Variants in UBN2 observed in about 807,000 individuals in gnomAD.
The protein encoded by UBN2 is ubinuclein-2.
A neutral mutation model predicts 120.2 loss-of-function variants in UBN2; 35 were observed. The ratio of observed to expected loss-of-function variants is 0.29; its 90% CI spans 0.22 to 0.39. UBN2 has a LOEUF of 0.39. Among genes scored for constraint, UBN2 ranks in the 10% least tolerant of loss-of-function variants. UBN2 has a pLI of 1.00. For missense variants in UBN2, 1,693 were observed against 1,663.2 expected, an observed-to-expected ratio of 1.02 and a Z score of -0.31; for synonymous variants, 661 against 648.7, an observed-to-expected ratio of 1.02 and a Z score of -0.29.
chr7:139,319,742 AG>A, the UBN2 span, among the ~76,000 whole-genome samples: 1 of 152,066 alleles, frequency 6.6e-6, no homozygotes, highest in Non-Finnish European at 1.5e-5. Context: ...CTGTTAGCTC[AG>A]TCATGCTTTA....
At chr7:139,264,294 A>G (rs1304393722) in intron 6 of UBN2, among the ~76,000 whole-genome samples, 2 of 152,044 alleles carry the variant, frequency 1.3e-5, no homozygotes, top group Admixed American at 6.6e-5. Context: ...GTTGTTGACT[A>G]TATCTATGGT....
chr7:139,312,245 GAAGT>G (rs1172621653), downstream of UBN2, among the ~76,000 whole-genome samples: 1 of 152,058 alleles, frequency 6.6e-6, no homozygotes, highest in Non-Finnish European at 1.5e-5. Flanking sequence ...GGCATTCTTC[GAAGT>G]AAGTAGTGTT....
chr7:139,232,095 G>A, intron 1 of UBN2, 143 bp downstream of exon 1: 1 of 728,592 alleles, frequency 1.4e-6, no homozygotes, highest in Non-Finnish European at 2.1e-6. Flanking sequence ...GGGCCGAGCG[G>A]GTGGACGGGG....
At chr7:139,241,139 C>T (rs1208887226) in intron 2 of UBN2, among the ~76,000 whole-genome samples, 2 of 152,136 alleles carry the variant, frequency 1.3e-5, no homozygotes, top group Non-Finnish European at 2.9e-5. Flanking sequence ...GAGTAGGATG[C>T]TTCAATTTGA....
At chr7:139,292,781 A>G (rs1160685197) in intron 15 of UBN2, among the ~76,000 whole-genome samples, 1 of 152,216 alleles carries the variant, frequency 6.6e-6, no homozygotes, top group Non-Finnish European at 1.5e-5. Flanking sequence ...GGTGAGGCTC[A>G]TGGCGAGGAA....
intron 5 of UBN2, 87 bp from the exon 6 acceptor site, chr7:139,261,165 T>C (rs1796919157): frequency 6.9e-7 from 1 of 1,442,256 alleles, no homozygotes; most frequent in Non-Finnish European, 9.3e-7. Flanking sequence ...TGTCAAATTA[T>C]TATTTTAATT....
the UBN2 span, chr7:139,315,165 CG>C: frequency 6.6e-6 from 1 of 151,352 alleles, no homozygotes; most frequent in Non-Finnish European, 1.5e-5. Context: ...TTAGTAGAGA[CG>C]GGGTTTCACT....
the UBN2 span, among the ~76,000 whole-genome samples, chr7:139,315,110 G>C: frequency 1.3e-5 from 2 of 151,808 alleles, no homozygotes; most frequent in African/African-American, 2.4e-5. Context: ...TGAGTACCTG[G>C]GAGTACAGTT....
intron 8 of UBN2, among the ~76,000 whole-genome samples, chr7:139,269,843 G>C (rs897043033): frequency 6.6e-6 from 1 of 150,962 alleles, no homozygotes; most frequent in African/African-American, 2.4e-5. Context: ...GTCTTGCCCC[G>C]TTGCCCAGGC....
At chr7:139,292,711 A>G (rs984056236) in intron 15 of UBN2, among the ~76,000 whole-genome samples, 21 of 152,156 alleles carry the variant, frequency 1.4e-4, no homozygotes, top group Non-Finnish European at 1.8e-4. Context: ...TTTATACAGG[A>G]AAGTTCTACA....
Position 139,261,679 on chromosome 7 carries a change from G to T in UBN2, c.1333G>T (p.Val445Leu). 1.2e-6 allele frequency: 2 copies of T among 1,614,132 alleles called. No individual in the cohort carries two copies. The highest frequency in any genetic ancestry group is 1.6e-4 in the Middle Eastern group (1 of 6,062). Residue 445 changes from valine to leucine, a missense_variant, in exon 6 of 18, where the codon GTA (valine) becomes TTA (leucine). By Grantham distance (32) the Val-to-Leu change is conservative. Around this residue, in one of 5 missense-constraint regions of UBN2, gnomAD observed 663 missense variants for 591.2 expected, o/e 1.12. Transcript: ENST00000473989. Reference protein sequence around the residue: ...TYTSQVMPKVVPTLPEGLPVL... With the variant: ...TYTSQVMPKVLPTLPEGLPVL... ...CACTTCTCAGGTTATGCCCAAAGTG[G>T]TACCTACACTCCCAGAGGGTCTACC...
chr7:139,255,978 C>A (rs1796753608), intron 3 of UBN2, among the ~76,000 whole-genome samples: 1 of 152,136 alleles, frequency 6.6e-6, no homozygotes, highest in South Asian at 2.1e-4. Context: ...TGTTTTATAA[C>A]CCTCCAAATT....
At chr7:139,261,892 A>G (rs1450911223) in intron 6 of UBN2, 151 bp downstream of exon 6, 4 of 789,128 alleles carry the variant, frequency 5.1e-6, no homozygotes, top group Non-Finnish European at 7.5e-6. Flanking sequence ...GAACATTTTT[A>G]TAACTTTTTA....
chr7:139,284,531 C>T lies in UBN2; in HGVS notation c.3626C>T (p.Pro1209Leu). ...AAACCATTGTCTACTCCACATAGACCATCCACTGCCTCAGGGTCTTCAGTG... is the reference window on the plus strand; with the variant it reads ...AAACCATTGTCTACTCCACATAGACTATCCACTGCCTCAGGGTCTTCAGTG... ...ATKPLSTPHR[P>L]STASGSSVVT... Residue 1209 changes from proline to leucine, a missense_variant, in exon 15 of 18, where the codon CCA (proline) becomes CTA (leucine). Physicochemically the swap from Pro to Leu is moderately conservative, Grantham distance 98 (BLOSUM62 -3). Around this residue, in one of 5 missense-constraint regions of UBN2, gnomAD observed 837 missense variants for 817.6 expected, o/e 1.02. Coordinates refer to ENST00000473989, the MANE Select transcript of UBN2 (RefSeq NM_173569.4). 6.2e-7 allele frequency: 1 copy of T among 1,613,690 alleles called. No homozygotes were observed. Among genetic ancestry groups the T allele is most frequent in the South Asian group, 1.1e-5 (1 of 91,062 alleles).
intron 16 of UBN2, 129 bp from the exon 17 acceptor site, chr7:139,293,760 G>A (rs545227381): frequency 1.4e-4 from 115 of 803,854 alleles, no homozygotes; most frequent in Admixed American, 4.6e-4. Context: ...TTTCAAAAAC[G>A]TGCTCTAGTT....
At chr7:139,282,865 C>T (rs1240438107) in intron 14 of UBN2, among the ~76,000 whole-genome samples, 159 bp from the exon 15 acceptor site, 1 of 152,042 alleles carries the variant, frequency 6.6e-6, no homozygotes. Context: ...CAGTCAGGAG[C>T]TCTGTCATCT....
At position 139,270,298 on chromosome 7, in the gene UBN2, G is replaced by C. The variant is rs189290520; in HGVS notation, c.1596+775G>C. On this transcript the variant is annotated intron_variant, in intron 8 of 17. Transcript: ENST00000473989. ...TTTTTTTTTTTTTTTTTGTGACAGA[G>C]TCTCGCTCAGCCCAGGCTGGAGTGC... is the stretch of plus-strand genomic sequence containing the variant. 9.3e-4 allele frequency among the ~76,000 whole-genome samples: 132 copies of C among 141,228 alleles called. 1 individual carries two copies. The highest frequency in any genetic ancestry group is 1.7e-3 in the Admixed American group (24 of 13,794). 92.7% of individuals were successfully genotyped at this position (141,228 alleles called of 152,430 possible).
the UBN2 span, among the ~76,000 whole-genome samples, chr7:139,328,234 A>T: frequency 1.3e-5 from 2 of 152,182 alleles, no homozygotes; most frequent in East Asian, 3.9e-4. Context: ...TACAATCATG[A>T]TGGAAGGTGA....
intron 3 of UBN2, among the ~76,000 whole-genome samples, chr7:139,252,522 A>G (rs1278016994): frequency 6.6e-6 from 1 of 151,896 alleles, no homozygotes; most frequent in Admixed American, 6.6e-5. Context: ...ATTTCTTTTG[A>G]TTTTTTTTCC....
Sources: gnomAD v4.1 joint callset for allele counts (sites outside exome capture counted in the v4.1 genomes callset) on GRCh38, gnomAD v4.1.1 for gene constraint, gnomAD v4.1.1 regional missense constraint, MANE v1.5 for transcripts, NCBI Gene and HGNC (gene_info 2026-07-23, HGNC 2026-07-21) for gene names.